CCDC192: variants seen among roughly 807,000 people sequenced by gnomAD.
CCDC192 encodes the protein coiled-coil domain-containing protein 192.
intron 5 of CCDC192, among the ~76,000 whole-genome samples, chr5:127,833,118 A>G (rs984035911): frequency 2.6e-5 from 4 of 152,170 alleles, no homozygotes; most frequent in African/African-American, 9.7e-5. Flanking sequence ...GCAAAACTCA[A>G]GTGTTAACAT....
intron 6 of CCDC192, among the ~76,000 whole-genome samples, chr5:127,899,757 G>A (rs761383009): frequency 1.3e-5 from 2 of 152,084 alleles, no homozygotes; most frequent in South Asian, 2.1e-4. Context: ...CAAAATCACA[G>A]CAAGTTCTCA....
chr5:127,860,845 C>T (rs1262526007), intron 5 of CCDC192, among the ~76,000 whole-genome samples: 1 of 152,084 alleles, frequency 6.6e-6, no homozygotes, highest in Non-Finnish European at 1.5e-5. Context: ...AAGACTTTTT[C>T]CCCCATAATA....
chr5:127,867,016 A>G lies in CCDC192; in HGVS notation c.412-8522A>G, dbSNP rs148153662. Among the ~76,000 whole-genome samples the G allele has an allele frequency of 4.2e-3, 641 of 152,314 alleles. 2 individuals are homozygous for G. Among genetic ancestry groups the G allele is most frequent in the Middle Eastern group, 0.02 (6 of 294 alleles). ...ATCTTTTGTAAGTTGTTTTAAGGCC[A>G]GCTCTTGTACTTCACTGAACCTGTA... On this transcript the variant is annotated intron_variant, in intron 5 of 6. Coordinates refer to ENST00000514853, the MANE Select transcript of CCDC192 (RefSeq NM_001317938.2).
chr5:127,887,852 C>T (rs113915440), intron 6 of CCDC192, among the ~76,000 whole-genome samples: 7,531 of 150,172 alleles, frequency 0.05, 285 homozygotes, highest in Middle Eastern at 0.1. Context: ...TACAGGCGCT[C>T]ACCACCATGC....
intron 6 of CCDC192, among the ~76,000 whole-genome samples, chr5:127,918,916 T>C (rs980905808): frequency 6.6e-6 from 1 of 151,704 alleles, no homozygotes; most frequent in Non-Finnish European, 1.5e-5. Context: ...TTTGCATATG[T>C]GTGTATATGT....
chr5:127,899,634 C>T (rs1752987329), intron 6 of CCDC192, among the ~76,000 whole-genome samples: 1 of 151,760 alleles, frequency 6.6e-6, no homozygotes, highest in Admixed American at 6.6e-5. Context: ...AACCCAATCA[C>T]CCAGCAGTGA....
chr5:127,885,354 A>G (rs993748820), intron 6 of CCDC192, among the ~76,000 whole-genome samples: 2 of 152,240 alleles, frequency 1.3e-5, no homozygotes, highest in Non-Finnish European at 2.9e-5. Flanking sequence ...TTTGCAGAAC[A>G]GTCTTGGGCA....
At chr5:127,867,661 G>A (rs1381674443) in intron 5 of CCDC192, among the ~76,000 whole-genome samples, 2 of 152,234 alleles carry the variant, frequency 1.3e-5, no homozygotes, top group East Asian at 1.9e-4. Context: ...CTGTTCTCAG[G>A]GTGTGATTTG....
chr5:127,928,486 G>A (rs1482377106), intron 6 of CCDC192, among the ~76,000 whole-genome samples: 1 of 151,850 alleles, frequency 6.6e-6, no homozygotes, highest in East Asian at 1.9e-4. Flanking sequence ...TGATTACATT[G>A]GGTCCACCCA....
chr5:127,934,857 G>A (rs909567772), intron 6 of CCDC192, among the ~76,000 whole-genome samples: 3 of 152,152 alleles, frequency 2.0e-5, no homozygotes, highest in African/African-American at 7.2e-5. Flanking sequence ...TGGACTCTGT[G>A]GTGGTTGCAG....
chr5:127,715,036 A>T (rs1751550629), intron 2 of CCDC192, among the ~76,000 whole-genome samples: 1 of 151,954 alleles, frequency 6.6e-6, no homozygotes. Context: ...GCCTTGTCAG[A>T]TGCATACTTT....
At chr5:127,724,337 T>C (rs1439170326) in intron 2 of CCDC192, among the ~76,000 whole-genome samples, 3 of 152,206 alleles carry the variant, frequency 2.0e-5, no homozygotes, top group Admixed American at 1.3e-4. Flanking sequence ...TAGAAACATC[T>C]ATGTCTGTGG....
intron 2 of CCDC192, among the ~76,000 whole-genome samples, chr5:127,723,103 C>T (rs1752118860): frequency 6.6e-6 from 1 of 151,960 alleles, no homozygotes; most frequent in Non-Finnish European, 1.5e-5. Flanking sequence ...AATGTTGTTT[C>T]CTTTTTTTGG....
At chr5:127,913,810 A>G (rs765253450) in intron 6 of CCDC192, among the ~76,000 whole-genome samples, 2 of 152,226 alleles carry the variant, frequency 1.3e-5, no homozygotes, top group Non-Finnish European at 2.9e-5. Flanking sequence ...CATGCATAAT[A>G]GCACATGTGC....
intron 3 of CCDC192, among the ~76,000 whole-genome samples, chr5:127,761,852 G>A (rs1754951799): frequency 6.6e-6 from 1 of 152,138 alleles, no homozygotes; most frequent in Non-Finnish European, 1.5e-5. Context: ...ACTCTAATCA[G>A]CAAGAAATTA....
At chr5:127,748,951 T>C (rs891938080) in intron 2 of CCDC192, among the ~76,000 whole-genome samples, 1 of 152,156 alleles carries the variant, frequency 6.6e-6, no homozygotes, top group Non-Finnish European at 1.5e-5. Flanking sequence ...TTTTTGCACA[T>C]TGATTTTGTA....
At chr5:127,889,477 C>A (rs1290039085) in intron 6 of CCDC192, among the ~76,000 whole-genome samples, 2 of 150,640 alleles carry the variant, frequency 1.3e-5, no homozygotes, top group Non-Finnish European at 2.9e-5. Context: ...TCTCGGCTCA[C>A]TGCAACCTCT....
intron 6 of CCDC192, among the ~76,000 whole-genome samples, chr5:127,884,163 G>A (rs1752464153): frequency 1.3e-5 from 2 of 151,846 alleles, no homozygotes; most frequent in Non-Finnish European, 2.9e-5. Flanking sequence ...CTAACACGGT[G>A]AAACCCTGCC....
Position 127,902,615 on chromosome 5 carries a change from T to C in CCDC192, c.535+26954T>C, listed in dbSNP as rs144577965. ...TCAAGAGATGAATCTGATGTTGGAC[T>C]AGCCTTCAGCCTAGCATTCAACAAC... On this transcript the variant is annotated intron_variant, in intron 6 of 6. Coordinates refer to ENST00000514853, the MANE Select transcript of CCDC192 (RefSeq NM_001317938.2). Among the ~76,000 whole-genome samples, 115 of 152,354 alleles carry C rather than the reference T, an allele frequency of 7.5e-4. 1 individual carries two copies. Among genetic ancestry groups the C allele is most frequent in the African/African-American group, 2.5e-3 (106 of 41,582 alleles).
Sources: gnomAD v4.1 joint callset for allele counts (sites outside exome capture counted in the v4.1 genomes callset) on GRCh38, gnomAD v4.1.1 for gene constraint, MANE v1.5 for transcripts, NCBI Gene and HGNC (gene_info 2026-07-23, HGNC 2026-07-21) for gene names.